Variants in CSMD1 observed in about 807,000 individuals in gnomAD.
CSMD1 encodes the protein CUB and Sushi multiple domains 1, also known as CUB and sushi domain-containing protein 1.
CSMD1 carries 213 observed loss-of-function variants against 417.5 expected under a neutral mutation model. That is an observed-to-expected ratio of 0.51 (90% CI 0.46 to 0.57). CSMD1 has a LOEUF of 0.57. Ranked by LOEUF, CSMD1 falls within the 20% of genes least tolerant of loss-of-function variation. The pLI, the probability that CSMD1 is intolerant of heterozygous loss-of-function variation, is 0.00. For missense variants in CSMD1, 6,923 were observed against 4,529.7 expected, an observed-to-expected ratio of 1.53 and a Z score of -15.17; for synonymous variants, 2,862 against 1,736.8, an observed-to-expected ratio of 1.65 and a Z score of -16.11.
chr8:4,605,547 AATG>A (rs1193316955), intron 2 of CSMD1, among the ~76,000 whole-genome samples: 1 of 152,216 alleles, frequency 6.6e-6, no homozygotes, highest in Non-Finnish European at 1.5e-5. Context: ...CAATTACGCA[AATG>A]ATAATTATCT....
At position 4,768,496 on chromosome 8, in the gene CSMD1, C is replaced by T. The variant is rs563656267; in HGVS notation, c.86-130938G>A. On this transcript the variant is annotated intron_variant, in intron 1 of 69. Coordinates refer to ENST00000635120, the MANE Select transcript of CSMD1 (RefSeq NM_033225.6). ...TCTTAAAGGCCTTGGTGCTTAGCTC[C>T]TTAGCTGAGTTATTTGGGATGAAAC... Among the ~76,000 whole-genome samples the T allele has an allele frequency of 4.6e-5, 7 of 152,270 alleles. No homozygotes were observed. In the East Asian group the frequency reaches 9.6e-4, roughly 21 times the overall value.
At chr8:4,720,430 T>C (rs1419712440) in intron 1 of CSMD1, among the ~76,000 whole-genome samples, 1 of 152,110 alleles carries the variant, frequency 6.6e-6, no homozygotes, top group Non-Finnish European at 1.5e-5. Flanking sequence ...ATTTTTTTTG[T>C]TTTTTGAGAT....
chr8:4,297,768 G>T (rs747033251), intron 3 of CSMD1, among the ~76,000 whole-genome samples: 4 of 152,144 alleles, frequency 2.6e-5, no homozygotes, highest in Admixed American at 1.3e-4. Context: ...CCAACATCCT[G>T]TGAGAGGTGA....
At chr8:3,876,079 G>A (rs1203301166) in intron 5 of CSMD1, among the ~76,000 whole-genome samples, 1 of 151,872 alleles carries the variant, frequency 6.6e-6, no homozygotes, top group Non-Finnish European at 1.5e-5. Flanking sequence ...TATACTTGTT[G>A]TCTTTTCTAT....
At chr8:3,619,355 G>C (rs757404914) in intron 7 of CSMD1, among the ~76,000 whole-genome samples, 2 of 148,452 alleles carry the variant, frequency 1.3e-5, no homozygotes, top group Non-Finnish European at 3.0e-5. Flanking sequence ...CATGGAGCAC[G>C]GTAGTTAATT....
At chr8:4,486,143 A>G (rs867375254) in intron 2 of CSMD1, among the ~76,000 whole-genome samples, 1 of 26,088 alleles carries the variant, frequency 3.8e-5, no homozygotes. Flanking sequence ...ATATACATAC[A>G]TATATATATA....
chr8:3,571,568 G>A (rs538886448), intron 10 of CSMD1, among the ~76,000 whole-genome samples: 4 of 151,750 alleles, frequency 2.6e-5, no homozygotes, highest in Non-Finnish European at 4.4e-5. Context: ...TCTCTCTCCT[G>A]TTTCCCACAC....
At chr8:3,169,451 A>G (rs1158771567) in intron 37 of CSMD1, among the ~76,000 whole-genome samples, 1 of 152,206 alleles carries the variant, frequency 6.6e-6, no homozygotes, top group East Asian at 1.9e-4. Flanking sequence ...TTCCACTCAT[A>G]TAAACTATCT....
intron 25 of CSMD1, among the ~76,000 whole-genome samples, chr8:3,293,642 G>A (rs185882085): frequency 2.3e-3 from 349 of 152,172 alleles, no homozygotes; most frequent in Non-Finnish European, 4.0e-3. Flanking sequence ...TTGTGCATTT[G>A]TCACGTAGTC....
chr8:3,100,289 AG>A (rs1815637197), intron 46 of CSMD1, among the ~76,000 whole-genome samples: 1 of 152,154 alleles, frequency 6.6e-6, no homozygotes. Context: ...CCTGGGCTCA[AG>A]CAATCCTTCC....
chr8:4,718,169 G>A (rs576798980), intron 1 of CSMD1, among the ~76,000 whole-genome samples: 48 of 152,024 alleles, frequency 3.2e-4, no homozygotes, highest in African/African-American at 1.1e-3. Flanking sequence ...TACAGACAGG[G>A]TCTACCTATG....
At chr8:3,366,635 C>A (rs17065957) in intron 20 of CSMD1, among the ~76,000 whole-genome samples, 34,725 of 152,030 alleles carry the variant, frequency 0.23, 4,020 homozygotes, top group Middle Eastern at 0.28. Context: ...AATATTGGCA[C>A]CTACCGTAGG....
At chr8:3,278,949 G>C (rs948582529) in intron 26 of CSMD1, 2 of 152,202 alleles carry the variant, frequency 1.3e-5, no homozygotes, top group Admixed American at 6.5e-5. Flanking sequence ...TTACGACTGA[G>C]GGGTTATAGG....
At chr8:3,094,548 G>A (rs530061473) in intron 47 of CSMD1, among the ~76,000 whole-genome samples, 1 of 152,188 alleles carries the variant, frequency 6.6e-6, no homozygotes, top group Non-Finnish European at 1.5e-5. Context: ...CAGCACGGCA[G>A]TAAAGGAAGG....
chr8:3,314,422 C>G (rs1046893003), intron 23 of CSMD1, among the ~76,000 whole-genome samples: 4 of 152,108 alleles, frequency 2.6e-5, no homozygotes, highest in Admixed American at 6.6e-5. Context: ...GTATCCTTTT[C>G]TATCTTGAAG....
intron 41 of CSMD1, among the ~76,000 whole-genome samples, chr8:3,134,692 C>T (rs1423924626): frequency 6.6e-6 from 1 of 152,202 alleles, no homozygotes; most frequent in African/African-American, 2.4e-5. Context: ...GACTTCATTT[C>T]CCTTCCTTCT....
intron 3 of CSMD1, among the ~76,000 whole-genome samples, chr8:4,147,442 A>G (rs909545097): frequency 6.6e-6 from 1 of 152,164 alleles, no homozygotes; most frequent in South Asian, 2.1e-4. Flanking sequence ...TACCTTCTGG[A>G]AAGTCCCACG....
intron 3 of CSMD1, among the ~76,000 whole-genome samples, chr8:4,096,593 T>A (rs539374413): frequency 6.6e-6 from 1 of 152,324 alleles, no homozygotes; most frequent in East Asian, 1.9e-4. Context: ...TTCTTAAGTT[T>A]GTATTGTGTA....
chr8:3,459,680 C>T (rs34814399), intron 12 of CSMD1, among the ~76,000 whole-genome samples: 4,527 of 152,030 alleles, frequency 0.03, 126 homozygotes, highest in East Asian at 0.12. Flanking sequence ...GAGAGGGCAC[C>T]GGATATACTT....
Sources: gnomAD v4.1 joint callset for allele counts (sites outside exome capture counted in the v4.1 genomes callset) on GRCh38, gnomAD v4.1.1 for gene constraint, MANE v1.5 for transcripts, NCBI Gene and HGNC (gene_info 2026-07-23, HGNC 2026-07-21) for gene names.